Variants in SLC9D1 observed in about 807,000 individuals in gnomAD.
The protein encoded by SLC9D1 is putative LAG1-interacting protein.
At chr13:113,540,911 C>T in the SLC9D1 span, among the ~76,000 whole-genome samples, 19 of 152,158 alleles carry the variant, frequency 1.2e-4, no homozygotes, top group African/African-American at 4.3e-4. Flanking sequence ...GGAGGGGGTC[C>T]GGTTTCAGTT....
chr13:113,503,664 C>G, the SLC9D1 span: 3 of 834,792 alleles, frequency 3.6e-6, no homozygotes, highest in Non-Finnish European at 5.9e-6. Context: ...ACTTTTAACA[C>G]TTGTTGATGA....
chr13:113,504,951 C>T, the SLC9D1 span: 1 of 152,174 alleles, frequency 6.6e-6, no homozygotes, highest in Non-Finnish European at 1.5e-5. Flanking sequence ...TTCCCTGTTC[C>T]CCACATCCCT....
At chr13:113,547,157 C>T in the SLC9D1 span, 2 of 679,240 alleles carry the variant, frequency 2.9e-6, no homozygotes, top group East Asian at 5.5e-5. Flanking sequence ...TTAGCATTTG[C>T]TGTTGCTTTC....
the SLC9D1 span, among the ~76,000 whole-genome samples, chr13:113,500,824 G>A: frequency 1.3e-5 from 2 of 152,190 alleles, no homozygotes; most frequent in Non-Finnish European, 2.9e-5. Flanking sequence ...TATCTCAGGC[G>A]AGAGGAAGAG....
At chr13:113,532,485 A>G in the SLC9D1 span, among the ~76,000 whole-genome samples, 67,183 of 151,974 alleles carry the variant, frequency 0.44, 17,691 homozygotes, top group African/African-American at 0.74. Flanking sequence ...CCCAGCGTCC[A>G]GGAGCTGATT....
chr13:113,542,422 G>A, the SLC9D1 span, among the ~76,000 whole-genome samples: 1 of 152,196 alleles, frequency 6.6e-6, no homozygotes, highest in East Asian at 1.9e-4. Flanking sequence ...TGCTCTCAGT[G>A]GGCATTGAAA....
chr13:113,495,690 C>CGCGG, the SLC9D1 span: 1 of 1,612,272 alleles, frequency 6.2e-7, no homozygotes, highest in African/African-American at 1.3e-5. Flanking sequence ...CAAACTGCAC[C>CGCGG]GCGGGCGAGG....
At chr13:113,542,461 C>T in the SLC9D1 span, among the ~76,000 whole-genome samples, 5 of 152,360 alleles carry the variant, frequency 3.3e-5, no homozygotes, top group East Asian at 1.9e-4. Flanking sequence ...GGGGAGAATG[C>T]GTGTTATTCT....
At chr13:113,527,683 T>C in the SLC9D1 span, 5 of 152,394 alleles carry the variant, frequency 3.3e-5, no homozygotes, top group South Asian at 4.1e-4. Flanking sequence ...TTGGATTCAG[T>C]TGGCTTCTCG....
chr13:113,514,831 C>T, the SLC9D1 span, among the ~76,000 whole-genome samples: 1 of 152,224 alleles, frequency 6.6e-6, no homozygotes, highest in Non-Finnish European at 1.5e-5. Context: ...ATCCTCCCAT[C>T]TCAGCATCCT....
At chr13:113,522,661 T>C in the SLC9D1 span, among the ~76,000 whole-genome samples, 15 of 151,558 alleles carry the variant, frequency 9.9e-5, no homozygotes, top group Admixed American at 8.6e-4. Flanking sequence ...TGAGATGGAG[T>C]CTCACTCTGT....
At chr13:113,541,452 C>T in the SLC9D1 span, among the ~76,000 whole-genome samples, 1 of 140,496 alleles carries the variant, frequency 7.1e-6, no homozygotes, top group Admixed American at 7.1e-5. Flanking sequence ...GTGGATGATA[C>T]GCACACGATC....
the SLC9D1 span, among the ~76,000 whole-genome samples, chr13:113,512,555 A>T: frequency 6.6e-6 from 1 of 151,274 alleles, no homozygotes; most frequent in Non-Finnish European, 1.5e-5. Context: ...CAGTGTACAT[A>T]GACTCGGAGC....
the SLC9D1 span, among the ~76,000 whole-genome samples, chr13:113,525,744 T>C: frequency 2.0e-5 from 3 of 151,678 alleles, no homozygotes; most frequent in Admixed American, 6.6e-5. Context: ...CCGGTTATTC[T>C]AGAACAAGCC....
At chr13:113,497,504 C>CTGTGTGAGACCTGCAGCTG in the SLC9D1 span, among the ~76,000 whole-genome samples, 2 of 140,088 alleles carry the variant, frequency 1.4e-5, no homozygotes, top group East Asian at 2.1e-4. Context: ...AGACCTGCAG[C>CTGTGTGAGACCTGCAGCTG]TGTGTGAGAC....
chr13:113,514,576 G>A, the SLC9D1 span: 1 of 132,490 alleles, frequency 7.5e-6, no homozygotes, highest in Admixed American at 7.3e-5. Flanking sequence ...GGTGCAGGCT[G>A]ATGGGACTGA....
the SLC9D1 span, among the ~76,000 whole-genome samples, chr13:113,507,250 G>GT: frequency 0.097 from 14,772 of 152,132 alleles, 1,055 homozygotes; most frequent in Admixed American, 0.23. Context: ...GCATCCCGCT[G>GT]TTTTTCTAAG....
chr13:113,496,833 A>G, the SLC9D1 span, among the ~76,000 whole-genome samples: 1 of 152,192 alleles, frequency 6.6e-6, no homozygotes, highest in African/African-American at 2.4e-5. Context: ...TGCCTGTGTG[A>G]TATGTGCATG....
At chr13:113,495,707 T>C in the SLC9D1 span, 4 of 1,612,936 alleles carry the variant, frequency 2.5e-6, no homozygotes, top group Non-Finnish European at 3.4e-6. Context: ...GAGGGGTGGC[T>C]GCCATGCAGA....
Sources: gnomAD v4.1 joint callset for allele counts (sites outside exome capture counted in the v4.1 genomes callset) on GRCh38, gnomAD v4.1.1 for gene constraint, MANE v1.5 for transcripts, NCBI Gene and HGNC (gene_info 2026-07-23, HGNC 2026-07-21) for gene names.